The following RGL1 variants were observed in gnomAD, a reference collection of about 807,000 sequenced individuals.
The protein encoded by RGL1 is ral guanine nucleotide dissociation stimulator-like 1.
Under a neutral mutation model 95.2 loss-of-function variants are expected in RGL1, and 24 were observed. The ratio of observed to expected loss-of-function variants is 0.25; its 90% CI spans 0.18 to 0.35. RGL1 has a LOEUF of 0.35. Ranked by LOEUF, RGL1 falls within the 10% of genes least tolerant of loss-of-function variation. RGL1 has a pLI of 1.00. For synonymous variants in RGL1, 329 were observed against 344.9 expected (o/e 0.95, Z 0.51); for missense variants, 715 against 936.3 (o/e 0.76, Z 3.08).
intron 2 of RGL1, among the ~76,000 whole-genome samples, chr1:183,786,830 G>A (rs1660202739): frequency 6.6e-6 from 1 of 152,128 alleles, no homozygotes; most frequent in South Asian, 2.1e-4. Flanking sequence ...CAGTTTTTTA[G>A]GTCATAAAAT....
At position 183,911,831 on chromosome 1, in the gene RGL1, C is replaced by T. The variant is rs574196437; in HGVS notation, c.1563-251C>T. On this transcript the variant is annotated intron_variant, in intron 14 of 17. Transcript: ENST00000360851. ...CATAGACTGTTAAAATGTAGAGGAC[C>T]ATTGACCTAGAAAGACTTCAGATTA... is the stretch of plus-strand genomic sequence containing the variant. Among the ~76,000 whole-genome samples, 4 of 152,174 alleles carry T rather than the reference C, an allele frequency of 2.6e-5. No individual in the cohort carries two copies. The East Asian group carries it at 7.7e-4, about 29-fold the overall frequency.
rs1160973981 is a variant in RGL1, at chr1:183,864,625, TATCTC to T, written c.348-1369_348-1365del. On this transcript the variant is annotated intron_variant, in intron 3 of 17. Transcript: ENST00000360851. ...CTGAGTAAATCTTAATCTGAGTTCT[TATCTC>T]AGGAAGAGCAAAGGGTAGCCCTGGA... Among the ~76,000 whole-genome samples, 9 of 152,250 alleles carry T rather than the reference TATCTC, an allele frequency of 5.9e-5. No individual in the cohort carries two copies. The East Asian group carries it at 1.5e-3, about 26-fold the overall frequency.
intron 16 of RGL1, among the ~76,000 whole-genome samples, chr1:183,921,784 A>G (rs911144621): frequency 3.9e-5 from 6 of 152,100 alleles, no homozygotes; most frequent in Admixed American, 3.3e-4. Context: ...TACTTTTTGA[A>G]ATGGTCAATG....
At chr1:183,672,467 C>G (rs2102056466) in intron 1 of RGL1, among the ~76,000 whole-genome samples, 1 of 152,210 alleles carries the variant, frequency 6.6e-6, no homozygotes, top group South Asian at 2.1e-4. Flanking sequence ...TTCATTTATT[C>G]TATGTGATTC....
rs201587178 is a variant in RGL1 at position 183,875,749 on chromosome 1, C to T, written c.426-4867C>T. On this transcript the variant is annotated intron_variant, in intron 4 of 17. Coordinates refer to ENST00000360851, the MANE Select transcript of RGL1 (RefSeq NM_001297671.3). ...AAAAAATTAGCCAGGCATGGTGGCA[C>T]GTGCCTGTAATCCCAGCTACTCGGG... Among the ~76,000 whole-genome samples, 65 of 151,610 alleles carry T rather than the reference C, an allele frequency of 4.3e-4. 1 individual carries two copies. The East Asian group carries it at 0.011, about 26-fold the overall frequency.
Position 183,658,708 on chromosome 1 carries a change from G to T in RGL1, c.-33+22207G>T, listed in dbSNP as rs1319748972. ...GTCTGACAGCTTTGAAGAGAGCAGT[G>T]GTTCTCCCAGCACACAGCTGGAGAT... On this transcript the variant is annotated intron_variant, in intron 1 of 18. Coordinates refer to the RGL1 transcript ENST00000304685. 3.3e-5 allele frequency among the ~76,000 whole-genome samples: 5 copies of T among 152,028 alleles called. No homozygotes were observed. The East Asian group carries it at 9.7e-4, about 29-fold the overall frequency.
chr1:183,840,582 G>A (rs1342345927), intron 2 of RGL1, among the ~76,000 whole-genome samples: 3 of 151,958 alleles, frequency 2.0e-5, no homozygotes, highest in Non-Finnish European at 1.5e-5. Flanking sequence ...CCCAGTGCAG[G>A]CCAGGTATGG....
intron 1 of RGL1, among the ~76,000 whole-genome samples, chr1:183,671,864 G>T (rs1252879083): frequency 6.6e-6 from 1 of 151,910 alleles, no homozygotes; most frequent in Non-Finnish European, 1.5e-5. Context: ...TTCATTGTCG[G>T]TCTAGTTGTT....
At chr1:183,822,412 T>C (rs1036774681) in intron 2 of RGL1, among the ~76,000 whole-genome samples, 1 of 151,926 alleles carries the variant, frequency 6.6e-6, no homozygotes, top group African/African-American at 2.4e-5. Flanking sequence ...AATCCAAAAG[T>C]ACAATATTTA....
chr1:183,847,827 G>A, intron 3 of RGL1, 53 bp downstream of exon 3: 3 of 1,418,544 alleles, frequency 2.1e-6, no homozygotes, highest in African/African-American at 2.8e-5. Context: ...TGATTATGGA[G>A]TGGAGCACGA....
At chr1:183,823,638 A>G (rs1451220626) in intron 2 of RGL1, among the ~76,000 whole-genome samples, 1 of 152,184 alleles carries the variant, frequency 6.6e-6, no homozygotes, top group East Asian at 1.9e-4. Context: ...GCAACTCTAC[A>G]ATTATTCAAC....
chr1:183,920,002 A>G (rs1012627304), intron 16 of RGL1, among the ~76,000 whole-genome samples: 2 of 152,058 alleles, frequency 1.3e-5, no homozygotes, highest in African/African-American at 4.8e-5. Context: ...CTGATGTAAT[A>G]TTTGGGGTGT....
At position 183,927,125 on chromosome 1, in the gene RGL1, T is replaced by C. The variant is rs1275556813; in HGVS notation, c.*833T>C. The stretch of plus-strand genomic sequence containing the variant: ...ATCATAATCATTGCACAAATAACCA[T>C]GTTCTTTGGTAATGAAGCCAGAAAA... On this transcript the variant is annotated 3_prime_UTR_variant, in exon 18 of 18. Transcript: ENST00000360851. 3 of 152,592 alleles carry C rather than the reference T, an allele frequency of 2.0e-5. No homozygotes were observed. Among genetic ancestry groups the C allele is most frequent in the Non-Finnish European group, 4.4e-5 (3 of 68,012 alleles). 9.5% of individuals were successfully genotyped at this position (152,592 alleles called of 1,614,324 possible). A position where few individuals can be genotyped will look rare whatever the true frequency, so the allele number is the denominator to read the frequency against.
intron 17 of RGL1, among the ~76,000 whole-genome samples, chr1:183,924,799 CA>C (rs758747749): frequency 0.053 from 5,926 of 111,030 alleles, 354 homozygotes; most frequent in African/African-American, 0.15. Flanking sequence ...CAAAAAAATA[CA>C]AAAAAAAAAA....
chr1:183,713,921 T>G (rs1368587781), intron 1 of RGL1, among the ~76,000 whole-genome samples: 1 of 152,212 alleles, frequency 6.6e-6, no homozygotes, highest in Non-Finnish European at 1.5e-5. Flanking sequence ...AATATTTGTT[T>G]GATGAATGAA....
intron 1 of RGL1, among the ~76,000 whole-genome samples, chr1:183,718,248 A>AAG (rs1160582825): frequency 5.3e-5 from 8 of 150,142 alleles, no homozygotes; most frequent in African/African-American, 2.0e-4. Context: ...AAAAAAAAAA[A>AAG]AGAGAGAGAG....
intron 2 of RGL1, among the ~76,000 whole-genome samples, chr1:183,771,764 C>G (rs1659284579): frequency 6.6e-6 from 1 of 152,196 alleles, no homozygotes; most frequent in South Asian, 2.1e-4. Context: ...GCACTTGTGC[C>G]TTCACTCCTA....
chr1:183,879,889 T>C (rs1666725749), intron 4 of RGL1, among the ~76,000 whole-genome samples: 1 of 152,206 alleles, frequency 6.6e-6, no homozygotes. Flanking sequence ...CAAATGACCC[T>C]GTCTCTTTTT....
chr1:183,809,662 G>T (rs1201536278), intron 2 of RGL1, among the ~76,000 whole-genome samples: 1 of 152,086 alleles, frequency 6.6e-6, no homozygotes, highest in Non-Finnish European at 1.5e-5. Context: ...GAGCAATTCC[G>T]AGCCTAGCAC....
Sources: gnomAD v4.1 joint callset for allele counts (sites outside exome capture counted in the v4.1 genomes callset) on GRCh38, gnomAD v4.1.1 for gene constraint, MANE v1.5 for transcripts, NCBI Gene and HGNC (gene_info 2026-07-23, HGNC 2026-07-21) for gene names.